Variants in ECI2 observed in about 807,000 individuals in gnomAD.
ECI2 encodes enoyl-CoA delta isomerase 2.
ECI2 carries 27 observed loss-of-function variants against 38.4 expected under a neutral mutation model. The observed-to-expected ratio is 0.70, with a 90% CI of 0.52 to 0.97. The LOEUF (loss-of-function observed/expected upper bound fraction) is 0.97. Ranked by LOEUF, ECI2 falls within the 50% of genes least tolerant of loss-of-function variation. The pLI is 0.00. For missense variants in ECI2, 470 were observed against 474.4 expected, an observed-to-expected ratio of 0.99 and a Z score of 0.09; for synonymous variants, 168 against 172.0, an observed-to-expected ratio of 0.98 and a Z score of 0.18.
At chr6:4,128,553 T>G (rs1231051266) in intron 4 of ECI2, among the ~76,000 whole-genome samples, 1 of 152,162 alleles carries the variant, frequency 6.6e-6, no homozygotes, top group Non-Finnish European at 1.5e-5. Context: ...AAAAGACACA[T>G]GGACTTTACA....
At chr6:4,133,819 A>C in intron 1 of ECI2, 108 bp from the exon 2 acceptor site, 1 of 1,336,800 alleles carries the variant, frequency 7.5e-7, no homozygotes, top group Non-Finnish European at 9.8e-7. Context: ...GTTTGTCTAT[A>C]GATATTTTCT....
rs761460792 is a variant in ECI2 at position 4,130,810 on chromosome 6, T to C, written c.269A>G (p.Lys90Arg). Residue 90 changes from lysine to arginine, a missense_variant, in exon 3 of 10, where the codon AAG becomes AGG. By Grantham distance (26) the Lys-to-Arg change is conservative (BLOSUM62 2). Transcript: ENST00000380118. ...PKPGVFDLIN[K>R]AKWDAWNALG... Reference sequence around the variant, plus strand: ...GGCATTCCATGCGTCCCATTTGGCCTTGTTGATCAAGTCAAATACACCTGG... The same window carrying C: ...GGCATTCCATGCGTCCCATTTGGCCCTGTTGATCAAGTCAAATACACCTGG... The C allele has an allele frequency of 6.2e-7, 1 of 1,614,116 alleles. No individual in the cohort carries two copies. Among genetic ancestry groups the C allele is most frequent in the Admixed American group, 1.7e-5 (1 of 60,006 alleles).
chr6:4,129,997 G>T, intron 4 of ECI2: 1 of 910,750 alleles, frequency 1.1e-6, no homozygotes, highest in Non-Finnish European at 1.7e-6. Flanking sequence ...AAGCCCCCGT[G>T]CAAGCAGAAA....
chr6:4,119,186 C>T lies in ECI2; in HGVS notation c.885G>A (p.Lys295=). 6.2e-7 allele frequency: 1 copy of T among 1,610,578 alleles called. No homozygotes were observed. ...YTFPKIMSPA[K]ATEMLIFGKK... is the part of the protein sequence containing the mutation. ...TATATTTAAACATTCCAAAAGTTAC[C>T]TTGGCTGGGCTCATTATCTTCGGAA... The change falls in exon 8 of 10, where the codon AAG becomes AAA. Residue 295 remains lysine, a splice_region_variant and synonymous_variant. Transcript: ENST00000380118.
At chr6:4,122,224 CTT>C (rs34646177) in intron 7 of ECI2, among the ~76,000 whole-genome samples, 5 of 142,924 alleles carry the variant, frequency 3.5e-5, no homozygotes, top group Non-Finnish European at 3.0e-5. Context: ...TCCTTCTTTG[CTT>C]TTTTTTTTTT....
At chr6:4,133,820 G>T (rs1440229523) in intron 1 of ECI2, 109 bp from the exon 2 acceptor site, 9 of 1,328,414 alleles carry the variant, frequency 6.8e-6, no homozygotes, top group Non-Finnish European at 8.9e-6. Context: ...TTTGTCTATA[G>T]ATATTTTCTT....
intron 7 of ECI2, among the ~76,000 whole-genome samples, chr6:4,120,675 C>T (rs910907565): frequency 2.0e-5 from 3 of 150,280 alleles, no homozygotes; most frequent in Non-Finnish European, 3.0e-5. Flanking sequence ...TGCAGTGAGC[C>T]GAGATCATGC....
rs537902121 is a variant in ECI2 at position 4,129,297 on chromosome 6, A to G, written c.501+1075T>C. On this transcript the variant is annotated intron_variant, in intron 4 of 9. Coordinates refer to ENST00000380118, the MANE Select transcript of ECI2 (RefSeq NM_206836.3). ...CCAGCTAATTTTTTGTATCTTTAGT[A>G]GAGATGGAGTTTCACCATGTTGGCC... Among the ~76,000 whole-genome samples, 30 of 152,202 alleles carry G rather than the reference A, an allele frequency of 2.0e-4. No homozygotes were observed. In the South Asian group the frequency reaches 3.3e-3, roughly 17 times the overall value.
At chr6:4,120,684 GC>G (rs112739048) in intron 7 of ECI2, among the ~76,000 whole-genome samples, 2 of 151,660 alleles carry the variant, frequency 1.3e-5, no homozygotes, top group Admixed American at 6.6e-5. Context: ...CCGAGATCAT[GC>G]CACTGTACTC....
rs1184496082 is a variant in ECI2, at chr6:4,127,839, A to G, written c.502-8T>C. On this transcript the variant is annotated splice_region_variant and splice_polypyrimidine_tract_variant and intron_variant, in intron 4 of 9. Transcript: ENST00000380118. ...CATAATTTCATGATACATCTGTGTA[A>G]TGGGAAGACAAGGAAAAGAAAAGAA... 1 of 1,609,298 alleles carries G rather than the reference A, an allele frequency of 6.2e-7. No individual in the cohort carries two copies. Among genetic ancestry groups the G allele is most frequent in the Non-Finnish European group, 8.5e-7 (1 of 1,178,184 alleles).
intron 4 of ECI2, 37 bp downstream of exon 4, chr6:4,130,335 G>A: frequency 6.2e-7 from 1 of 1,614,086 alleles, no homozygotes; most frequent in Middle Eastern, 1.6e-4. Context: ...GAAGAAGAAA[G>A]TAAAACAGGA....
At chr6:4,121,625 G>T (rs573516048) in intron 7 of ECI2, among the ~76,000 whole-genome samples, 12 of 149,206 alleles carry the variant, frequency 8.0e-5, no homozygotes, top group African/African-American at 2.7e-4. Flanking sequence ...TGCCCCAGTG[G>T]TTTTTTTGGT....
intron 4 of ECI2, among the ~76,000 whole-genome samples, chr6:4,128,269 A>G (rs1011082224): frequency 5.3e-5 from 8 of 151,954 alleles, no homozygotes; most frequent in African/African-American, 1.9e-4. Context: ...AAAACTTTCT[A>G]CAAAGCAACG....
intron 1 of ECI2, among the ~76,000 whole-genome samples, chr6:4,134,031 A>G (rs1366587365): frequency 1.3e-5 from 2 of 152,250 alleles, no homozygotes; most frequent in African/African-American, 2.4e-5. Flanking sequence ...AGTGAAGTGC[A>G]TGCAAGACAG....
At position 4,116,107 on chromosome 6, in the gene ECI2, T is replaced by C. The variant is rs527623241; in HGVS notation, c.1030-78A>G. ...GACTCATGCCTGTAATCCCAGCACT[T>C]GGGGAGGCCGAGGCGGGCAGATCAG... On this transcript the variant is annotated intron_variant, in intron 9 of 9. Transcript: ENST00000380118. 1.4e-3 allele frequency: 2,179 copies of C among 1,511,204 alleles called. 46 individuals carry two copies. In the South Asian group the frequency reaches 0.026, roughly 18 times the overall value. The allele number at this position is 1,511,204 out of a possible 1,614,324, so 93.6% of individuals were successfully genotyped here. A position where few individuals can be genotyped will look rare whatever the true frequency, so the allele number is the denominator to read the frequency against.
At chr6:4,127,404 CTTTTTTTTTTTTTTT>C (rs71001567) in intron 5 of ECI2, among the ~76,000 whole-genome samples, 1 of 75,890 alleles carries the variant, frequency 1.3e-5, no homozygotes, top group Non-Finnish European at 2.5e-5. Flanking sequence ...ATCTTAGAGC[CTTTTTTTTTTTTTTT>C]TTTTTTTTTT....
chr6:4,117,325 C>T lies in ECI2; in HGVS notation c.1012G>A (p.Ala338Thr). 1 of 1,603,802 alleles carries T rather than the reference C, an allele frequency of 6.2e-7. No homozygotes were observed. Among genetic ancestry groups the T allele is most frequent in the Non-Finnish European group, 8.5e-7 (1 of 1,177,386 alleles). Reference protein sequence around the residue: ...KEVWTRLKAFAKLPPNALRIS... With the variant: ...KEVWTRLKAFTKLPPNALRIS... ...ATACTAACATTTGGGGGAAGCTTTGCAAATGCCTTCAGCCTGGTCCAGACT... is the reference window on the plus strand; with the variant it reads ...ATACTAACATTTGGGGGAAGCTTTGTAAATGCCTTCAGCCTGGTCCAGACT... The change falls in exon 9 of 10, where the codon GCA becomes ACA. Residue 338 changes from alanine (A) to threonine (T), a missense_variant. Coordinates refer to ENST00000380118, the MANE Select transcript of ECI2 (RefSeq NM_206836.3).
chr6:4,125,733 G>C (rs1048768020), intron 6 of ECI2: 2 of 411,076 alleles, frequency 4.9e-6, no homozygotes, highest in African/African-American at 4.1e-5. Flanking sequence ...GATTTGGCAG[G>C]AATAAAGAGA....
In ECI2 at chr6:4,125,380, T is replaced by G. The variant is rs192626144; in HGVS notation, c.675-10A>C. On this transcript the variant is annotated splice_polypyrimidine_tract_variant and intron_variant, in intron 6 of 9. Transcript: ENST00000380118. ...ACAGCCCACAAATTCCCTACAGAAATGGAAACACAAAATCATTAAATGTGC... is the reference window on the plus strand; with the variant it reads ...ACAGCCCACAAATTCCCTACAGAAAGGGAAACACAAAATCATTAAATGTGC... 4.6e-5 allele frequency: 75 copies of G among 1,613,878 alleles called. No homozygotes were observed. In the African/African-American group the frequency reaches 8.9e-4, roughly 19 times the overall value.
Sources: gnomAD v4.1 joint callset for allele counts (sites outside exome capture counted in the v4.1 genomes callset) on GRCh38, gnomAD v4.1.1 for gene constraint, MANE v1.5 for transcripts, NCBI Gene and HGNC (gene_info 2026-07-23, HGNC 2026-07-21) for gene names.